OTUD7A: variants seen among roughly 807,000 people sequenced by gnomAD.
OTUD7A encodes OTU domain-containing protein 7A.
Under a neutral mutation model 65.7 loss-of-function variants are expected in OTUD7A, and 12 were observed. That is an observed-to-expected ratio of 0.18 (90% confidence interval 0.12 to 0.30). The LOEUF is 0.30. Among genes scored for constraint, OTUD7A ranks in the 10% least tolerant of loss-of-function variants. The pLI is 1.00. For synonymous variants in OTUD7A, 641 were observed against 586.3 expected, an observed-to-expected ratio of 1.09 and a Z score of -1.35; for missense variants, 1,148 against 1,304.8, an observed-to-expected ratio of 0.88 and a Z score of 1.85.
chr15:31,602,089 C>G (rs1190741937), intron 3 of OTUD7A, among the ~76,000 whole-genome samples: 1 of 152,008 alleles, frequency 6.6e-6, no homozygotes, highest in Non-Finnish European at 1.5e-5. Context: ...AGAGAGTCCT[C>G]TCTAACTCAT....
At chr15:31,568,198 G>A (rs1472818533) in intron 4 of OTUD7A, among the ~76,000 whole-genome samples, 1 of 152,228 alleles carries the variant, frequency 6.6e-6, no homozygotes, top group African/African-American at 2.4e-5. Context: ...CAGCCATGGG[G>A]GCTGAACTCT....
chr15:31,605,224 G>T (rs1241975639), intron 3 of OTUD7A, among the ~76,000 whole-genome samples: 1 of 152,088 alleles, frequency 6.6e-6, no homozygotes, highest in African/African-American at 2.4e-5. Context: ...ATGTTATGTG[G>T]CATGTGTGTG....
chr15:31,488,274 T>G (rs867037310), intron 10 of OTUD7A, among the ~76,000 whole-genome samples: 36 of 152,184 alleles, frequency 2.4e-4, no homozygotes, highest in Middle Eastern at 3.4e-3. Flanking sequence ...GGCTGGTCAT[T>G]TCTCAGAGGG....
chr15:31,575,507 T>C (rs1889178331), intron 3 of OTUD7A, among the ~76,000 whole-genome samples: 1 of 152,190 alleles, frequency 6.6e-6, no homozygotes, highest in Non-Finnish European at 1.5e-5. Context: ...TATAACATGG[T>C]AACAAACAGC....
At chr15:31,732,331 G>A (rs1894066882) in intron 1 of OTUD7A, among the ~76,000 whole-genome samples, 1 of 152,218 alleles carries the variant, frequency 6.6e-6, no homozygotes, top group Non-Finnish European at 1.5e-5. Context: ...GGATAACTTT[G>A]AGGAAAATGA....
In OTUD7A at chr15:31,483,581, C is replaced by A. The variant is rs1219640234; in HGVS notation, c.2515G>T (p.Gly839Trp). 1.6e-6 allele frequency: 2 copies of A among 1,244,360 alleles called. No individual in the cohort carries two copies. The highest frequency in any genetic ancestry group is 3.6e-5 in the East Asian group (1 of 27,852). The allele number at this position is 1,244,360 out of a possible 1,614,324, so 77.1% of individuals were successfully genotyped here. ...GTCCCCGCCGCGCCCGGTAGGGCCC[C>A]GGGCACCGCGCGCGCCAGCGACTCG... ...TVESLARAVP[G>W]ALPGAAGTAG... The change falls in exon 13 of 13, where the codon GGG (glycine) becomes TGG (tryptophan). Residue 839 changes from glycine to tryptophan, a missense_variant. Gly to Trp is a radical substitution (Grantham distance 184). Coordinates refer to ENST00000307050, the MANE Select transcript of OTUD7A (RefSeq NM_001382637.1).
rs768245062 is a variant in OTUD7A, at chr15:31,484,365, G to T, written c.1731C>A (p.Gly577=). 6.2e-7 allele frequency: 1 copy of T among 1,601,216 alleles called. No homozygotes were observed. ...GKEKKAKSRK[G]SKEESGASAS... ...CCGACGCACCAGACTCCTCCTTGCT[G>T]CCCTTGCGCGACTTGGCCTTCTTCT... is the stretch of plus-strand genomic sequence containing the variant. The change falls in exon 13 of 13, where the codon GGC becomes GGA. Residue 577 remains glycine (G), a synonymous_variant. Coordinates refer to ENST00000307050, the MANE Select transcript of OTUD7A (RefSeq NM_001382637.1). The surrounding 1 kb of genome is among the most constrained non-coding windows in gnomAD (Gnocchi z 4.5).
chr15:31,870,132 G>A (rs1595827929), intron 1 of OTUD7A, among the ~76,000 whole-genome samples: 1 of 149,958 alleles, frequency 6.7e-6, no homozygotes, highest in Non-Finnish European at 1.5e-5. Context: ...CGAGGGGTCG[G>A]TCGCCCCACG....
chr15:31,680,358 T>TA (rs1211485161), intron 1 of OTUD7A, among the ~76,000 whole-genome samples: 1 of 152,214 alleles, frequency 6.6e-6, no homozygotes, highest in East Asian at 1.9e-4. Flanking sequence ...GGATGTTCCC[T>TA]ACAGCATAGC....
intron 1 of OTUD7A, chr15:31,768,004 T>C: frequency 1.9e-6 from 3 of 1,593,758 alleles, no homozygotes; most frequent in Middle Eastern, 1.7e-4. Flanking sequence ...GCCTTGTAAC[T>C]TCAGGACCAA....
intron 3 of OTUD7A, among the ~76,000 whole-genome samples, chr15:31,570,442 TACAC>T (rs57517466): frequency 0.046 from 6,579 of 143,120 alleles, 211 homozygotes; most frequent in African/African-American, 0.087. Flanking sequence ...TTTAGGTTCA[TACAC>T]ACACACACAC....
At chr15:31,855,107 T>C (rs989542413) in intron 1 of OTUD7A, among the ~76,000 whole-genome samples, 1 of 151,840 alleles carries the variant, frequency 6.6e-6, no homozygotes, top group Admixed American at 6.5e-5. Context: ...GTCATAGATA[T>C]AATACAAGAA....
chr15:31,769,883 A>T (rs527287276), intron 1 of OTUD7A, among the ~76,000 whole-genome samples: 2 of 152,328 alleles, frequency 1.3e-5, no homozygotes, highest in East Asian at 3.8e-4. Context: ...CTGCACACTG[A>T]TTGTGATAGT....
chr15:31,786,981 C>A (rs1895690960), intron 1 of OTUD7A, among the ~76,000 whole-genome samples: 1 of 152,140 alleles, frequency 6.6e-6, no homozygotes, highest in African/African-American at 2.4e-5. Context: ...ATGTTTAGCT[C>A]TAGGTATGTT....
chr15:31,502,634 G>T (rs554426536), intron 9 of OTUD7A, among the ~76,000 whole-genome samples: 43 of 152,310 alleles, frequency 2.8e-4, no homozygotes, highest in African/African-American at 1.0e-3. Context: ...GCGACAGGGT[G>T]GGGGTACCTG....
chr15:31,546,685 T>C (rs894972240), intron 5 of OTUD7A, among the ~76,000 whole-genome samples: 2 of 152,260 alleles, frequency 1.3e-5, no homozygotes, highest in Admixed American at 6.5e-5. Flanking sequence ...TATGGTATTT[T>C]GTTATGTTAG....
chr15:31,491,775 C>T (rs1446944808), intron 10 of OTUD7A, among the ~76,000 whole-genome samples: 1 of 151,816 alleles, frequency 6.6e-6, no homozygotes, highest in African/African-American at 2.4e-5. Context: ...AAAGAGGATA[C>T]ATTATACAGA....
chr15:31,626,608 C>T (rs1890960921), intron 3 of OTUD7A, among the ~76,000 whole-genome samples: 2 of 152,142 alleles, frequency 1.3e-5, no homozygotes, highest in South Asian at 4.2e-4. Context: ...CAGGGTCTCA[C>T]TGTGTTGCCC....
At chr15:31,592,963 GTA>G (rs57472463) in intron 3 of OTUD7A, among the ~76,000 whole-genome samples, 35,128 of 106,308 alleles carry the variant, frequency 0.33, 7,006 homozygotes, top group African/African-American at 0.59. Context: ...ATATATATAT[GTA>G]TATATATATA....
Sources: allele counts gnomAD v4.1 joint callset (sites outside exome capture counted in the v4.1 genomes callset), GRCh38; gene constraint gnomAD v4.1.1; non-coding constraint Gnocchi (gnomAD v3.1); transcripts MANE v1.5; gene names NCBI Gene and HGNC (gene_info 2026-07-23, HGNC 2026-07-21).